Variants in GFOD1 observed in about 807,000 individuals in gnomAD.
GFOD1 encodes glucose-fructose oxidoreductase domain-containing protein 1.
In GFOD1, 9 loss-of-function variants were observed where a neutral mutation model predicts 25.4. That is an observed-to-expected ratio of 0.35 (90% CI 0.21 to 0.62). The LOEUF (loss-of-function observed/expected upper bound fraction) is 0.62. Ranked by LOEUF, GFOD1 falls within the 20% of genes least tolerant of loss-of-function variation. The pLI is 0.72. For missense variants in GFOD1, 403 were observed against 556.9 expected (o/e 0.72, Z 2.78); for synonymous variants, 253 against 245.6 (o/e 1.03, Z -0.28).
intron 1 of GFOD1, among the ~76,000 whole-genome samples, chr6:13,484,622 T>G (rs1758824459): frequency 6.6e-6 from 1 of 152,226 alleles, no homozygotes; most frequent in South Asian, 2.1e-4. Context: ...GTAACAGACA[T>G]GTCTTGTTAA....
rs1193810683 is a variant in GFOD1 at position 13,359,993 on chromosome 6, GAATTGAGGTCC to G, written c.*4739_*4749del. The G allele has an allele frequency of 6.6e-6, 1 of 151,316 alleles. No homozygotes were observed. Among genetic ancestry groups the G allele is most frequent in the East Asian group, 1.9e-4 (1 of 5,172 alleles). The allele number at this position is 151,316 out of a possible 1,614,324, so 9.4% of individuals were successfully genotyped here. A position where few individuals can be genotyped will look rare whatever the true frequency, so the allele number is the denominator to read the frequency against. ...CCAGATTTCCCTGCAACTGCTCAGC[GAATTGAGGTCC>G]AATGCAGGTCTAATTCCAACTTCTC... On this transcript the variant is annotated 3_prime_UTR_variant, in exon 2 of 2. Transcript: ENST00000379287.
intron 1 of GFOD1, among the ~76,000 whole-genome samples, chr6:13,402,036 T>C (rs892098859): frequency 6.6e-6 from 1 of 152,236 alleles, no homozygotes; most frequent in African/African-American, 2.4e-5. Flanking sequence ...AAATAAATTT[T>C]ATCTTACGAT....
At chr6:13,416,705 T>G (rs1786169197) in intron 1 of GFOD1, among the ~76,000 whole-genome samples, 1 of 152,206 alleles carries the variant, frequency 6.6e-6, no homozygotes, top group South Asian at 2.1e-4. Context: ...CAAGAGAGGG[T>G]ATCTCATATA....
chr6:13,442,801 C>T (rs1004627309), intron 1 of GFOD1, among the ~76,000 whole-genome samples: 2 of 152,224 alleles, frequency 1.3e-5, no homozygotes, highest in Admixed American at 1.3e-4. Context: ...GACAATCCAC[C>T]TGGTCACCCA....
intron 1 of GFOD1, chr6:13,470,571 G>A: frequency 6.6e-7 from 1 of 1,517,962 alleles, no homozygotes; most frequent in Non-Finnish European, 8.8e-7. Flanking sequence ...GAACCACGTG[G>A]CATTTTTTTT....
intron 1 of GFOD1, among the ~76,000 whole-genome samples, chr6:13,467,511 T>A (rs75231915): frequency 0.036 from 5,555 of 152,248 alleles, 315 homozygotes; most frequent in African/African-American, 0.12. Flanking sequence ...GTTCTAAAAC[T>A]GCTAACCATT....
intron 1 of GFOD1, among the ~76,000 whole-genome samples, chr6:13,374,269 TTTTTTGTGTGTG>T (rs1785209314): frequency 1.6e-5 from 2 of 121,876 alleles, no homozygotes; most frequent in East Asian, 2.2e-4. Context: ...AATATGTTTT[TTTTTTGTGTGTG>T]TGTGTGTGTG....
At chr6:13,414,044 A>G (rs778832902) in intron 1 of GFOD1, among the ~76,000 whole-genome samples, 2 of 152,246 alleles carry the variant, frequency 1.3e-5, no homozygotes, top group Admixed American at 6.5e-5. Context: ...GTTTATTCTA[A>G]AAACAGATAA....
At position 13,360,708 on chromosome 6, in the gene GFOD1, A is replaced by C; in HGVS notation, c.*4035T>G. ...TGCAGCTCTACAGCCTCCTGGCAGA[A>C]CATCAGATGTTGCATCCTGCTGAAC... On this transcript the variant is annotated 3_prime_UTR_variant, in exon 2 of 2. Coordinates refer to ENST00000379287, the MANE Select transcript of GFOD1 (RefSeq NM_018988.4). The C allele has an allele frequency of 2.2e-6, 1 of 456,780 alleles. No homozygotes were observed. The highest frequency in any genetic ancestry group is 4.4e-6 in the Non-Finnish European group (1 of 226,972). The allele number at this position is 456,780 out of a possible 1,614,324, so 28.3% of individuals were successfully genotyped here.
intron 1 of GFOD1, among the ~76,000 whole-genome samples, chr6:13,482,939 A>C (rs1758785266): frequency 6.6e-6 from 1 of 150,958 alleles, no homozygotes; most frequent in African/African-American, 2.4e-5. Context: ...TATATGTAAA[A>C]TATATGTATA....
chr6:13,391,197 G>A (rs543616030), intron 1 of GFOD1, among the ~76,000 whole-genome samples: 2 of 152,314 alleles, frequency 1.3e-5, no homozygotes, highest in South Asian at 2.1e-4. Context: ...GGTAGAAGGT[G>A]AGAAATGGAC....
chr6:13,383,831 C>T (rs1785412799), intron 1 of GFOD1, among the ~76,000 whole-genome samples: 1 of 152,246 alleles, frequency 6.6e-6, no homozygotes, highest in African/African-American at 2.4e-5. Context: ...TGGTCTGGTA[C>T]TGCTGGACTC....
At position 13,364,770 on chromosome 6, in the gene GFOD1, G is replaced by C. The variant is rs780603822; in HGVS notation, c.1146C>G (p.Arg382=). Residue 382 remains arginine (R), a synonymous_variant, in exon 2 of 2, where the codon CGC becomes CGG. Transcript: ENST00000379287. The surrounding 1 kb of genome is among the most constrained non-coding windows in gnomAD (Gnocchi z 4.1). ...SPAYLISEAM[R]RSRMSLYC ...AACAGTAGAGGGACATCCTGCTGCG[G>C]CGCATGGCCTCGCTGATCAGGTAGG... 6.2e-7 allele frequency: 1 copy of C among 1,613,360 alleles called. No homozygotes were observed. Among genetic ancestry groups the C allele is most frequent in the South Asian group, 1.1e-5 (1 of 91,074 alleles).
At chr6:13,433,836 C>A (rs1226777067) in intron 1 of GFOD1, among the ~76,000 whole-genome samples, 2 of 152,204 alleles carry the variant, frequency 1.3e-5, no homozygotes, top group Non-Finnish European at 2.9e-5. Flanking sequence ...CCATGAGAGT[C>A]AGTCAGAGAG....
chr6:13,438,423 T>C (rs1757866196), intron 1 of GFOD1, among the ~76,000 whole-genome samples: 2 of 152,228 alleles, frequency 1.3e-5, no homozygotes, highest in South Asian at 4.1e-4. Flanking sequence ...ACTTTTACTA[T>C]AGCCTGTAAC....
In GFOD1 at chr6:13,361,640, G is replaced by A. The variant is rs1306721361; in HGVS notation, c.*3103C>T. ...TACCCCAAATCAAGTCTTTGCATGT[G>A]GTGGGATAAGGGCAAATGGAGCACT... On this transcript the variant is annotated 3_prime_UTR_variant, in exon 2 of 2. Transcript: ENST00000379287. 1 of 152,116 alleles carries A rather than the reference G, an allele frequency of 6.6e-6. No individual in the cohort carries two copies. The highest frequency in any genetic ancestry group is 1.5e-5 in the Non-Finnish European group (1 of 68,026). 9.4% of individuals were successfully genotyped at this position (152,116 alleles called of 1,614,324 possible).
At chr6:13,458,009 A>C (rs936484585) in intron 1 of GFOD1, among the ~76,000 whole-genome samples, 1 of 152,210 alleles carries the variant, frequency 6.6e-6, no homozygotes, top group African/African-American at 2.4e-5. Flanking sequence ...CTCATGTTTG[A>C]ACTAATGACA....
At chr6:13,453,682 A>G (rs1758139501) in intron 1 of GFOD1, among the ~76,000 whole-genome samples, 1 of 152,252 alleles carries the variant, frequency 6.6e-6, no homozygotes, top group African/African-American at 2.4e-5. Flanking sequence ...AAGCTACAAT[A>G]TGCGAAGTAT....
chr6:13,474,522 C>T (rs560727019), intron 1 of GFOD1, among the ~76,000 whole-genome samples: 1 of 152,294 alleles, frequency 6.6e-6, no homozygotes, highest in East Asian at 1.9e-4. Context: ...ACTCAACTGC[C>T]TCAAGCAAGC....
Sources: allele counts gnomAD v4.1 joint callset (sites outside exome capture counted in the v4.1 genomes callset), GRCh38; gene constraint gnomAD v4.1.1; non-coding constraint Gnocchi (gnomAD v3.1); transcripts MANE v1.5; gene names NCBI Gene and HGNC (gene_info 2026-07-23, HGNC 2026-07-21).